Variants in DORIP1 observed in about 807,000 individuals in gnomAD.
The protein encoded by DORIP1 is dopamine receptor interacting protein 1.
the DORIP1 span, chr14:44,906,889 T>C: frequency 6.6e-6 from 1 of 152,214 alleles, no homozygotes; most frequent in African/African-American, 2.4e-5. Flanking sequence ...ACTATGAAAA[T>C]TCTTGTTTAT....
the DORIP1 span, chr14:44,904,485 A>G: frequency 1.2e-6 from 2 of 1,612,064 alleles, no homozygotes; most frequent in Non-Finnish European, 1.7e-6. Flanking sequence ...GGAAATCTGA[A>G]GATCTGGCGT....
At chr14:44,901,205 G>C in the DORIP1 span, among the ~76,000 whole-genome samples, 1 of 152,136 alleles carries the variant, frequency 6.6e-6, no homozygotes, top group Non-Finnish European at 1.5e-5. Flanking sequence ...TAGCCTAGGA[G>C]CAATAGGCTT....
the DORIP1 span, chr14:44,904,282 T>TAC: frequency 6.8e-7 from 1 of 1,472,794 alleles, no homozygotes. Context: ...AACCATTACC[T>TAC]ACACCTATAA....
At chr14:44,905,791 T>C in the DORIP1 span, 1 of 266,690 alleles carries the variant, frequency 3.7e-6, no homozygotes, top group Admixed American at 5.3e-5. Flanking sequence ...TGGAATAAAA[T>C]ATATCTTGTG....
the DORIP1 span, chr14:44,900,930 G>C: frequency 6.2e-6 from 10 of 1,602,960 alleles, no homozygotes; most frequent in African/African-American, 1.3e-4. Flanking sequence ...CTCGAGTGCA[G>C]GAGGATCAGC....
At chr14:44,900,465 A>T in the DORIP1 span, 1 of 1,547,072 alleles carries the variant, frequency 6.5e-7, no homozygotes, top group Non-Finnish European at 8.7e-7. Flanking sequence ...AGATCAAAGC[A>T]TCAATTAAAA....
At chr14:44,904,700 A>C in the DORIP1 span, 1 of 658,898 alleles carries the variant, frequency 1.5e-6, no homozygotes, top group Non-Finnish European at 2.3e-6. Context: ...AGTTACTAGC[A>C]GTGCACATAG....
chr14:44,903,203 A>G, the DORIP1 span: 54 of 1,595,734 alleles, frequency 3.4e-5, no homozygotes, highest in Non-Finnish European at 4.2e-5. Context: ...AATAATTATT[A>G]TAGTCCTCCC....
At chr14:44,906,025 T>A in the DORIP1 span, 3 of 149,574 alleles carry the variant, frequency 2.0e-5, no homozygotes, top group Admixed American at 1.4e-4. Context: ...TTTGATCTAG[T>A]ATGGATTTGA....
chr14:44,900,301 T>C, the DORIP1 span: 1 of 756,886 alleles, frequency 1.3e-6, no homozygotes, highest in Non-Finnish European at 1.9e-6. Context: ...TTAAATTTTT[T>C]TGCTATGTTG....
chr14:44,897,916 A>C, the DORIP1 span, among the ~76,000 whole-genome samples: 20 of 152,266 alleles, frequency 1.3e-4, no homozygotes, highest in African/African-American at 4.6e-4. Flanking sequence ...CTGATTTGAG[A>C]GGGGACTTTT....
the DORIP1 span, chr14:44,901,015 T>C: frequency 3.3e-6 from 5 of 1,508,656 alleles, no homozygotes; most frequent in Non-Finnish European, 4.4e-6. Context: ...GAATGTTGCT[T>C]TAGATATGTA....
chr14:44,900,575 T>C, the DORIP1 span: 11 of 1,611,596 alleles, frequency 6.8e-6, no homozygotes, highest in Admixed American at 3.4e-5. Flanking sequence ...TGTACACCAC[T>C]CTATGTTGAA....
chr14:44,904,213 TAA>T, the DORIP1 span: 1 of 985,248 alleles, frequency 1.0e-6, no homozygotes, highest in African/African-American at 1.7e-5. Context: ...ACACAGCTTA[TAA>T]ACTTCTGGAA....
chr14:44,902,495 A>C, the DORIP1 span, among the ~76,000 whole-genome samples: 1 of 151,864 alleles, frequency 6.6e-6, no homozygotes, highest in Admixed American at 6.6e-5. Flanking sequence ...TGCCCGGCTA[A>C]TTTTTGTATT....
the DORIP1 span, chr14:44,905,437 G>A: frequency 6.4e-7 from 1 of 1,570,850 alleles, no homozygotes; most frequent in Non-Finnish European, 8.7e-7. Context: ...CCAGATTGGT[G>A]GACATTGGAT....
chr14:44,898,093 T>C, the DORIP1 span, among the ~76,000 whole-genome samples: 91 of 152,276 alleles, frequency 6.0e-4, no homozygotes, highest in East Asian at 5.2e-3. Flanking sequence ...TTATTCAAAT[T>C]GGAGGGCCCG....
At chr14:44,904,833 C>A in the DORIP1 span, 1 of 246,276 alleles carries the variant, frequency 4.1e-6, no homozygotes, top group Admixed American at 5.3e-5. Context: ...ATCTATAAAA[C>A]ACAGATGATG....
At chr14:44,902,071 A>C in the DORIP1 span, among the ~76,000 whole-genome samples, 1 of 152,258 alleles carries the variant, frequency 6.6e-6, no homozygotes, top group Non-Finnish European at 1.5e-5. Context: ...GGAAATGTAT[A>C]TCACATACCC....
Sources: allele counts gnomAD v4.1 joint callset (sites outside exome capture counted in the v4.1 genomes callset), GRCh38; gene constraint gnomAD v4.1.1; transcripts MANE v1.5; gene names NCBI Gene and HGNC (gene_info 2026-07-23, HGNC 2026-07-21).